The following ATP11B variants were observed in gnomAD, a reference collection of about 807,000 sequenced individuals.
ATP11B encodes phospholipid-transporting ATPase IF.
Under a neutral mutation model 157.8 loss-of-function variants are expected in ATP11B, and 81 were observed. That is an observed-to-expected ratio of 0.51 (90% CI 0.43 to 0.62). The LOEUF is 0.62. Ranked by LOEUF, ATP11B falls within the 20% of genes least tolerant of loss-of-function variation. ATP11B has a pLI of 0.00. For synonymous variants in ATP11B, 451 were observed against 469.4 expected, an observed-to-expected ratio of 0.96 and a Z score of 0.51; for missense variants, 1,165 against 1,402.2, an observed-to-expected ratio of 0.83 and a Z score of 2.70.
In ATP11B at chr3:182,844,579, C is replaced by G; in HGVS notation, c.705-879C>G. 4 of 984,176 alleles carry G rather than the reference C, an allele frequency of 4.1e-6. No homozygotes were observed. The South Asian group carries it at 1.4e-4, about 35-fold the overall frequency. The allele number at this position is 984,176 out of a possible 1,614,324, so 61.0% of individuals were successfully genotyped here. On this transcript the variant is annotated intron_variant, in intron 8 of 29. Transcript: ENST00000323116. ...TCAAACAGCAAGAAGACCTGTGCTT[C>G]AAGAAGTATGCAATGCAAGTAGTCA...
intron 19 of ATP11B, among the ~76,000 whole-genome samples, chr3:182,876,617 G>C (rs1722060769): frequency 6.6e-6 from 1 of 152,196 alleles, no homozygotes; most frequent in African/African-American, 2.4e-5. Flanking sequence ...GCTGCTCCCT[G>C]TTCCAAAATG....
At chr3:182,816,156 A>T (rs531762635) in intron 1 of ATP11B, among the ~76,000 whole-genome samples, 57 of 152,286 alleles carry the variant, frequency 3.7e-4, no homozygotes, top group Non-Finnish European at 6.3e-4. Context: ...AAGAAAAAAA[A>T]AGGGATTTTG....
intron 1 of ATP11B, among the ~76,000 whole-genome samples, chr3:182,809,549 C>T (rs915679526): frequency 1.3e-4 from 20 of 152,210 alleles, no homozygotes; most frequent in Admixed American, 8.5e-4. Context: ...ACGCCCTGCC[C>T]GCTCTGTACA....
Position 182,920,310 on chromosome 3 carries a change from GTTAC to G in ATP11B, c.*2208_*2211del, listed in dbSNP as rs976439030. ...ACCACTAGTGTGCTCATCCTGAACT[GTTAC>G]TCCAAATCCACTCCGTTTTTAAAGC... On this transcript the variant is annotated 3_prime_UTR_variant, in exon 30 of 30. Coordinates refer to ENST00000323116, the MANE Select transcript of ATP11B (RefSeq NM_014616.3). The G allele has an allele frequency of 2.0e-5, 3 of 152,144 alleles. No individual in the cohort carries two copies. Among genetic ancestry groups the G allele is most frequent in the African/African-American group, 7.2e-5 (3 of 41,428 alleles). 9.4% of individuals were successfully genotyped at this position (152,144 alleles called of 1,614,324 possible). A position where few individuals can be genotyped will look rare whatever the true frequency, so the allele number is the denominator to read the frequency against.
chr3:182,884,817 G>A lies in ATP11B; in HGVS notation c.2574G>A (p.Lys858=), dbSNP rs924600427. ...GTGACTATGCAATAGCCAGATTTAA[G>A]TTCCTCTCCAAATTGCTTTTTGTTC... ...RNSDYAIARF[K]FLSKLLFVHG... Residue 858 remains lysine (K), a synonymous_variant, in exon 22 of 30, where the codon AAG becomes AAA. Coordinates refer to ENST00000323116, the MANE Select transcript of ATP11B (RefSeq NM_014616.3). 8 of 1,601,416 alleles carry A rather than the reference G, an allele frequency of 5.0e-6. No homozygotes were observed. The highest frequency in any genetic ancestry group is 4.5e-5 in the East Asian group (2 of 44,290).
At chr3:182,859,075 A>T (rs1236228142) in intron 11 of ATP11B, 87 bp from the exon 12 acceptor site, 78 of 916,524 alleles carry the variant, frequency 8.5e-5, no homozygotes, top group Non-Finnish European at 1.1e-4. Flanking sequence ...CTATGTAGGC[A>T]TGAAACTTTC....
rs949690157 is a variant in ATP11B, at chr3:182,920,185, G to A, written c.*2081G>A. On this transcript the variant is annotated 3_prime_UTR_variant, in exon 30 of 30. Coordinates refer to ENST00000323116, the MANE Select transcript of ATP11B (RefSeq NM_014616.3). The stretch of plus-strand genomic sequence containing the variant: ...CTGCAGCAAGACAGGAGGTCAGCTC[G>A]CCTATAATGGTGCTTAAAGTGTGAT... The A allele has an allele frequency of 4.6e-5, 7 of 152,244 alleles. No individual in the cohort carries two copies. Among genetic ancestry groups the A allele is most frequent in the Middle Eastern group, 3.4e-3 (1 of 294 alleles). The allele number at this position is 152,244 out of a possible 1,614,324, so 9.4% of individuals were successfully genotyped here. A position where few individuals can be genotyped will look rare whatever the true frequency, so the allele number is the denominator to read the frequency against.
rs115254789 is a variant in ATP11B, at chr3:182,824,261, A to G, written c.145-3859A>G. ...ATTTTCTTTGTGTGGTTCTCTGACA[A>G]TCAGTATTTTCCCTTTACATTTCCA... On this transcript the variant is annotated intron_variant, in intron 2 of 29. Coordinates refer to ENST00000323116, the MANE Select transcript of ATP11B (RefSeq NM_014616.3). Among the ~76,000 whole-genome samples, 483 of 152,244 alleles carry G rather than the reference A, an allele frequency of 3.2e-3. 5 individuals carry two copies. The highest frequency in any genetic ancestry group is 0.011 in the African/African-American group (455 of 41,528).
Position 182,919,696 on chromosome 3 carries a change from G to A in ATP11B, c.*1592G>A, listed in dbSNP as rs927752794. ...AAGGCTTCTAGAATTGGACTGGCAG[G>A]GGAAAGAATGGTAGAGACAGAAATT... is the stretch of plus-strand genomic sequence containing the variant. On this transcript the variant is annotated 3_prime_UTR_variant, in exon 30 of 30. Coordinates refer to ENST00000323116, the MANE Select transcript of ATP11B (RefSeq NM_014616.3). 2.0e-5 allele frequency: 3 copies of A among 152,138 alleles called. No individual in the cohort carries two copies. The highest frequency in any genetic ancestry group is 2.9e-5 in the Non-Finnish European group (2 of 68,004). 9.4% of individuals were successfully genotyped at this position (152,138 alleles called of 1,614,324 possible).
intron 4 of ATP11B, among the ~76,000 whole-genome samples, chr3:182,834,286 A>G (rs1718374013): frequency 6.6e-6 from 1 of 152,212 alleles, no homozygotes; most frequent in Non-Finnish European, 1.5e-5. Flanking sequence ...CCATCTGAAA[A>G]CAGTATACCT....
intron 4 of ATP11B, among the ~76,000 whole-genome samples, chr3:182,832,944 T>C (rs1440131427): frequency 6.6e-6 from 1 of 152,032 alleles, no homozygotes; most frequent in Non-Finnish European, 1.5e-5. Flanking sequence ...AATATTATTA[T>C]TATTATTTTT....
chr3:182,811,807 G>A (rs1290701173), intron 1 of ATP11B, among the ~76,000 whole-genome samples: 1 of 152,098 alleles, frequency 6.6e-6, no homozygotes, highest in Admixed American at 6.6e-5. Context: ...TTCATTGTAG[G>A]TAAGAGCATT....
At chr3:182,840,861 G>A (rs1201300242) in intron 7 of ATP11B, among the ~76,000 whole-genome samples, 2 of 152,192 alleles carry the variant, frequency 1.3e-5, no homozygotes, top group Admixed American at 1.3e-4. Flanking sequence ...CACAAAAGCA[G>A]TCATAGTGTT....
chr3:182,824,680 TA>T (rs1259572803), intron 2 of ATP11B, among the ~76,000 whole-genome samples: 1 of 152,236 alleles, frequency 6.6e-6, no homozygotes, highest in African/African-American at 2.4e-5. Flanking sequence ...TTTTTGACCA[TA>T]TTTTTTAAAA....
chr3:182,866,202 C>A, intron 13 of ATP11B, 66 bp from the exon 14 acceptor site: 1 of 1,252,890 alleles, frequency 8.0e-7, no homozygotes, highest in Non-Finnish European at 1.1e-6. Flanking sequence ...AGAATTTTGC[C>A]TCTGGTTTCC....
At chr3:182,806,789 A>G (rs1208236609) in intron 1 of ATP11B, among the ~76,000 whole-genome samples, 1 of 152,126 alleles carries the variant, frequency 6.6e-6, no homozygotes, top group Non-Finnish European at 1.5e-5. Flanking sequence ...AAACATACTT[A>G]TTTTAAAGGT....
intron 25 of ATP11B, 31 bp from the exon 26 acceptor site, chr3:182,896,669 C>G (rs1374534629): frequency 1.9e-6 from 3 of 1,550,564 alleles, no homozygotes. Context: ...TATGTTAACA[C>G]GTAATGTAAT....
intron 2 of ATP11B, among the ~76,000 whole-genome samples, chr3:182,820,732 G>A (rs1717287017): frequency 1.3e-5 from 2 of 152,106 alleles, no homozygotes; most frequent in South Asian, 2.1e-4. Context: ...GTGATTATAT[G>A]TGTGTGTGTG....
chr3:182,912,904 GT>G (rs149256195), intron 28 of ATP11B, among the ~76,000 whole-genome samples: 5,297 of 149,368 alleles, frequency 0.035, 315 homozygotes, highest in African/African-American at 0.12. Context: ...GAAATAAGGT[GT>G]TTTTTTTTTA....
Sources: allele counts gnomAD v4.1 joint callset (sites outside exome capture counted in the v4.1 genomes callset), GRCh38; gene constraint gnomAD v4.1.1; transcripts MANE v1.5; gene names NCBI Gene and HGNC (gene_info 2026-07-23, HGNC 2026-07-21).